TRAF2: variants seen among roughly 807,000 people sequenced by gnomAD.
TRAF2 encodes TNF receptor associated factor 2.
A neutral mutation model predicts 55.6 loss-of-function variants in TRAF2; 6 were observed. That is an observed-to-expected ratio of 0.11 (90% CI 0.06 to 0.21). TRAF2 has a LOEUF of 0.21. Ranked by LOEUF, TRAF2 falls within the 10% of genes least tolerant of loss-of-function variation. The pLI, the probability that TRAF2 is intolerant of heterozygous loss-of-function variation, is 1.00. For synonymous variants in TRAF2, 329 were observed against 276.3 expected (o/e 1.19, Z -1.89); for missense variants, 561 against 684.5 (o/e 0.82, Z 2.01).
intron 6 of TRAF2, 120 bp downstream of exon 6, chr9:136,910,114 A>G: frequency 1.8e-6 from 2 of 1,090,190 alleles, no homozygotes; most frequent in Non-Finnish European, 2.7e-6. Flanking sequence ...CAGCAGTGCA[A>G]AGCCCCTGTA....
At chr9:136,923,338 C>T (rs949701324) in intron 9 of TRAF2, among the ~76,000 whole-genome samples, 2 of 152,192 alleles carry the variant, frequency 1.3e-5, no homozygotes, top group Non-Finnish European at 2.9e-5. Flanking sequence ...TGGCTGGGCA[C>T]AGTGGCTCAC....
chr9:136,916,738 C>T (rs1026583302), intron 7 of TRAF2, 123 bp downstream of exon 7: 7 of 931,568 alleles, frequency 7.5e-6, no homozygotes, highest in African/African-American at 6.9e-5. Context: ...AGCACTGCCT[C>T]CTCCTGCCCC....
chr9:136,919,694 C>T (rs1045223800), intron 7 of TRAF2, among the ~76,000 whole-genome samples: 1 of 151,820 alleles, frequency 6.6e-6, no homozygotes, highest in African/African-American at 2.4e-5. Context: ...TCCCTTCATC[C>T]CTTCATCTCG....
At chr9:136,906,808 A>T (rs1024418588) in intron 4 of TRAF2, among the ~76,000 whole-genome samples, 4 of 152,188 alleles carry the variant, frequency 2.6e-5, no homozygotes, top group African/African-American at 9.6e-5. Context: ...CGGCAGGTCC[A>T]CGTGGCTCCC....
At chr9:136,925,602 C>T in intron 10 of TRAF2, 81 bp from the exon 11 acceptor site, 4 of 1,431,486 alleles carry the variant, frequency 2.8e-6, no homozygotes, top group South Asian at 1.2e-5. Context: ...TGCTGGTGGC[C>T]CTGCCAGTGT....
rs369765173 is a variant in TRAF2, at chr9:136,913,295, ATTTTTTT to A, written c.604-3230_604-3224del. Among the ~76,000 whole-genome samples, 25 of 87,092 alleles carry A rather than the reference ATTTTTTT, an allele frequency of 2.9e-4. No homozygotes were observed. In the East Asian group the frequency reaches 8.0e-3, roughly 28 times the overall value. 57.1% of individuals were successfully genotyped at this position (87,092 alleles called of 152,430 possible). On this transcript the variant is annotated intron_variant, in intron 6 of 10. Coordinates refer to ENST00000247668, the MANE Select transcript of TRAF2 (RefSeq NM_021138.4). ...CATACCATGTTCTTATTATAAAGGA[ATTTTTTT>A]TTTTTTTTTTTTTTTGAGATGGAGT... is the stretch of plus-strand genomic sequence containing the variant.
At chr9:136,892,488 T>G (rs991131301) in intron 1 of TRAF2, among the ~76,000 whole-genome samples, 1 of 151,326 alleles carries the variant, frequency 6.6e-6, no homozygotes, top group East Asian at 2.0e-4. Flanking sequence ...ATAAAAAGAA[T>G]GTGGCTTAAA....
chr9:136,917,054 G>A (rs944763504), intron 7 of TRAF2, among the ~76,000 whole-genome samples: 2 of 152,212 alleles, frequency 1.3e-5, no homozygotes, highest in Admixed American at 1.3e-4. Flanking sequence ...CCCTCCTCTC[G>A]CCTCATGCTT....
chr9:136,923,228 C>T (rs1425869459), intron 9 of TRAF2, among the ~76,000 whole-genome samples: 1 of 152,164 alleles, frequency 6.6e-6, no homozygotes, highest in Admixed American at 6.5e-5. Flanking sequence ...GTGGCTCTGC[C>T]GAGGTCCCAA....
intron 4 of TRAF2, among the ~76,000 whole-genome samples, chr9:136,901,052 A>G (rs2811757): frequency 0.8 from 121,206 of 152,214 alleles, 48,491 homozygotes; most frequent in East Asian, 0.87. Context: ...CTGTGGTCAC[A>G]GCAACATAGG....
chr9:136,893,437 C>T (rs1849619839), intron 1 of TRAF2, among the ~76,000 whole-genome samples: 4 of 152,200 alleles, frequency 2.6e-5, no homozygotes, highest in Middle Eastern at 3.2e-3. Flanking sequence ...CAAGAGTCAG[C>T]CCTATTCAGG....
At chr9:136,914,636 C>T (rs1850197330) in intron 6 of TRAF2, among the ~76,000 whole-genome samples, 1 of 152,222 alleles carries the variant, frequency 6.6e-6, no homozygotes, top group Admixed American at 6.5e-5. Context: ...TTGCTGTCTC[C>T]TTTCTACAGA....
chr9:136,886,653 C>A (rs987068159), intron 1 of TRAF2, 112 bp downstream of exon 1: 6 of 165,214 alleles, frequency 3.6e-5, no homozygotes, highest in Non-Finnish European at 4.6e-5. Context: ...GACTCCGGGC[C>A]GGAGCGGGAG....
intron 7 of TRAF2, among the ~76,000 whole-genome samples, chr9:136,918,257 ATT>A (rs1162462734): frequency 0.2 from 4,242 of 21,626 alleles, 116 homozygotes; most frequent in South Asian, 0.35. Context: ...ATATATATAT[ATT>A]TATTTAATTA....
At position 136,916,630 on chromosome 9, in the gene TRAF2, C is replaced by T. The variant is rs1850249303; in HGVS notation, c.678+15C>T. 4 of 1,613,102 alleles carry T rather than the reference C, an allele frequency of 2.5e-6. No homozygotes were observed. Among genetic ancestry groups the T allele is most frequent in the South Asian group, 1.1e-5 (1 of 91,066 alleles). On this transcript the variant is annotated intron_variant, in intron 7 of 10. Transcript: ENST00000247668. ...GCCTCGAGACGGTGAGTCGGGGGGT[C>T]TGAGGTTGGGGGCCACCCCTCATCC...
chr9:136,920,528 CG>C lies in TRAF2; in HGVS notation c.960+16del. The C allele has an allele frequency of 6.3e-7, 1 of 1,599,634 alleles. No homozygotes were observed. The highest frequency in any genetic ancestry group is 8.5e-7 in the Non-Finnish European group (1 of 1,171,654). ...CCTGAGTAGCAAGGTTTGTGCCTGC[CG>C]GGTGGCCAGCCATGAGGAGGACAGT... On this transcript the variant is annotated intron_variant, in intron 8 of 10. Coordinates refer to ENST00000247668, the MANE Select transcript of TRAF2 (RefSeq NM_021138.4).
Position 136,886,552 on chromosome 9 carries a change from CGCGGGGTCGGGT to C in TRAF2, c.-29+23_-29+34del, listed in dbSNP as rs1280503377. 67 of 978,846 alleles carry C rather than the reference CGCGGGGTCGGGT, an allele frequency of 6.8e-5. No individual in the cohort carries two copies. Among genetic ancestry groups the C allele is most frequent in the South Asian group, 5.0e-4 (11 of 22,000 alleles). The allele number at this position is 978,846 out of a possible 1,614,324, so 60.6% of individuals were successfully genotyped here. On this transcript the variant is annotated intron_variant, in intron 1 of 10. Coordinates refer to ENST00000247668, the MANE Select transcript of TRAF2 (RefSeq NM_021138.4). ...CGCTGCGACCGTTGGGTGAGGCGAG[CGCGGGGTCGGGT>C]GCGGGGTCGGGCGCGGGCGCGGGGT...
At chr9:136,885,775 A>AT (rs1336845879), upstream of TRAF2, among the ~76,000 whole-genome samples, 1 of 152,116 alleles carries the variant, frequency 6.6e-6, no homozygotes, top group Non-Finnish European at 1.5e-5. Flanking sequence ...CTCAAAAAAA[A>AT]AAATAAATAA....
chr9:136,918,255 A>ATT (rs1554781766), intron 7 of TRAF2, among the ~76,000 whole-genome samples: 622 of 23,298 alleles, frequency 0.027, 5 homozygotes, highest in Non-Finnish European at 0.04. Context: ...ATATATATAT[A>ATT]TATTTATTTA....
Sources: allele counts gnomAD v4.1 joint callset (sites outside exome capture counted in the v4.1 genomes callset), GRCh38; gene constraint gnomAD v4.1.1; transcripts MANE v1.5; gene names NCBI Gene and HGNC (gene_info 2026-07-23, HGNC 2026-07-21).